Variants in PCDHGB1 observed in about 807,000 individuals in gnomAD.
The protein encoded by PCDHGB1 is protocadherin gamma subfamily B, 1, also known as protocadherin gamma-B1.
A neutral mutation model predicts 56.6 loss-of-function variants in PCDHGB1; 34 were observed. The observed-to-expected ratio is 0.60, with a 90% CI of 0.46 to 0.80. PCDHGB1 has a LOEUF of 0.80. Ranked by LOEUF, PCDHGB1 falls within the 30% of genes least tolerant of loss-of-function variation. The pLI is 0.00. For missense variants in PCDHGB1, 1,278 were observed against 1,204.6 expected (o/e 1.06, Z -0.90); for synonymous variants, 561 against 505.9 (o/e 1.11, Z -1.46).
At chr5:141,424,776 A>C (rs1406581367) in intron 1 of PCDHGB1, 2 of 152,154 alleles carry the variant, frequency 1.3e-5, no homozygotes, top group African/African-American at 4.8e-5. Context: ...CAAATAGTAC[A>C]TTCAGTTCTT....
Position 141,389,832 on chromosome 5 carries a change from C to T in PCDHGB1, c.2409+37163C>T, listed in dbSNP as rs758113562. ...GGTCGCCGTGCGTGACGGTGGACAG[C>T]CACCACTCTCGGCCACTGCCACGTT... On this transcript the variant is annotated intron_variant, in intron 1 of 3. Coordinates refer to ENST00000523390, the MANE Select transcript of PCDHGB1 (RefSeq NM_018922.3). The T allele has an allele frequency of 2.2e-5, 36 of 1,613,848 alleles. 1 individual carries two copies. The South Asian group carries it at 3.8e-4, about 17-fold the overall frequency.
At chr5:141,373,739 A>G (rs1561560112) in intron 1 of PCDHGB1, among the ~76,000 whole-genome samples, 1 of 152,238 alleles carries the variant, frequency 6.6e-6, no homozygotes, top group Non-Finnish European at 1.5e-5. Context: ...ATGCTTCATT[A>G]TCTTGGGGAG....
rs1386904017 is a variant in PCDHGB1 at position 141,476,642 on chromosome 5, CG to C, written c.2410-18164del. On this transcript the variant is annotated intron_variant, in intron 1 of 3. Coordinates refer to ENST00000523390, the MANE Select transcript of PCDHGB1 (RefSeq NM_018922.3). The surrounding 1 kb of genome is among the most constrained non-coding windows in gnomAD (Gnocchi z 7.6). ...CTCTTTACAAACCTATGAGCTGAGC[CG>C]AAATGAATACTTTGCGCTTCGCGTG... The C allele has an allele frequency of 2.5e-6, 4 of 1,614,240 alleles. No homozygotes were observed.
At chr5:141,400,097 A>C (rs753507768) in intron 1 of PCDHGB1, 1 of 1,614,048 alleles carries the variant, frequency 6.2e-7, no homozygotes, top group South Asian at 1.1e-5. Context: ...GCCACGCTGC[A>C]CTTGGTCTTT....
intron 1 of PCDHGB1, chr5:141,389,566 T>G: frequency 6.2e-7 from 1 of 1,613,278 alleles, no homozygotes; most frequent in Non-Finnish European, 8.5e-7. Context: ...CCACGGGTGC[T>G]GTACCCCGCG....
chr5:141,355,781 T>C, intron 1 of PCDHGB1: 2 of 1,613,802 alleles, frequency 1.2e-6, no homozygotes, highest in Non-Finnish European at 1.7e-6. Context: ...TACCCAGAGC[T>C]GGTGCTGGAA....
At chr5:141,483,637 G>A (rs1365525499) in intron 1 of PCDHGB1, among the ~76,000 whole-genome samples, 1 of 145,878 alleles carries the variant, frequency 6.9e-6, no homozygotes, top group South Asian at 2.1e-4. Flanking sequence ...AAGGTATAGA[G>A]GGGTGTGTGT....
At chr5:141,433,406 T>C (rs2097604777) in intron 1 of PCDHGB1, among the ~76,000 whole-genome samples, 1 of 149,982 alleles carries the variant, frequency 6.7e-6, no homozygotes, top group Non-Finnish European at 1.5e-5. Flanking sequence ...TATCTATCTA[T>C]TACTTTCTTG....
intron 1 of PCDHGB1, among the ~76,000 whole-genome samples, chr5:141,461,958 G>C (rs1048690044): frequency 4.5e-4 from 69 of 152,272 alleles, no homozygotes; most frequent in Non-Finnish European, 2.9e-4. Context: ...TGAGTAGCTG[G>C]GATTCCAGGC....
intron 1 of PCDHGB1, chr5:141,384,793 C>T (rs1780512284): frequency 1.9e-6 from 3 of 1,613,400 alleles, no homozygotes; most frequent in Non-Finnish European, 2.5e-6. Flanking sequence ...GGCTCGGGCC[C>T]TGCTGGACAG....
intron 1 of PCDHGB1, chr5:141,394,556 C>T (rs752795340): frequency 1.9e-6 from 3 of 1,614,112 alleles, no homozygotes; most frequent in Admixed American, 3.3e-5. Context: ...CGCCCCGCTC[C>T]GCAGAGCGTG....
chr5:141,473,763 GGATTTGGT>G (rs1358359618), intron 1 of PCDHGB1, among the ~76,000 whole-genome samples: 73 of 152,322 alleles, frequency 4.8e-4, no homozygotes, highest in African/African-American at 1.7e-3. Context: ...ACTATGCAAA[GGATTTGGT>G]ATTTTAATTC....
chr5:141,356,845 A>G (rs1760361286), intron 1 of PCDHGB1: 15 of 1,614,178 alleles, frequency 9.3e-6, no homozygotes, highest in Non-Finnish European at 1.2e-5. Context: ...TGTGTCACTG[A>G]GCCTCTTTGT....
Position 141,360,331 on chromosome 5 carries a change from C to G in PCDHGB1, c.2409+7662C>G, listed in dbSNP as rs146919505. The G allele has an allele frequency of 1.3e-3, 2,115 of 1,613,952 alleles. 5 individuals are homozygous for G. Among genetic ancestry groups the G allele is most frequent in the Non-Finnish European group, 1.7e-3 (1,954 of 1,179,884 alleles). On this transcript the variant is annotated intron_variant, in intron 1 of 3. Transcript: ENST00000523390. The stretch of plus-strand genomic sequence containing the variant: ...CGTCCGGGACTTGCCAGCCCGGAAG[C>G]TGCGGGTTAGCGCGGAGAAGGAATA...
At chr5:141,408,301 C>G in intron 1 of PCDHGB1, 1 of 1,613,756 alleles carries the variant, frequency 6.2e-7, no homozygotes, top group Non-Finnish European at 8.5e-7. Context: ...GTGAGCCGAT[C>G]CGCTACTCGA....
chr5:141,384,510 C>T (rs1038523588), intron 1 of PCDHGB1: 16 of 1,614,028 alleles, frequency 9.9e-6, no homozygotes, highest in African/African-American at 2.7e-5. Flanking sequence ...CACATGACAG[C>T]GGGGACCCGC....
chr5:141,462,354 C>T (rs1157515386), intron 1 of PCDHGB1, among the ~76,000 whole-genome samples: 1 of 152,162 alleles, frequency 6.6e-6, no homozygotes, highest in Non-Finnish European at 1.5e-5. Flanking sequence ...CAAAAATATA[C>T]ATTGTATAGT....
chr5:141,490,405 ATC>A lies in PCDHGB1; in HGVS notation c.2410-4397_2410-4396del, dbSNP rs765446736. 1 of 1,614,142 alleles carries A rather than the reference ATC, an allele frequency of 6.2e-7. No individual in the cohort carries two copies. The highest frequency in any genetic ancestry group is 8.5e-7 in the Non-Finnish European group (1 of 1,180,028). ...TAGAAATGGTGAAGTGAGCCTTGATATCTCTCCGGACCTGCCATTTCAGATTA... is the reference window on the plus strand; with the variant it reads ...TAGAAATGGTGAAGTGAGCCTTGATATCTCCGGACCTGCCATTTCAGATTA... On this transcript the variant is annotated intron_variant, in intron 1 of 3. Transcript: ENST00000523390. The surrounding 1 kb of genome is among the most constrained non-coding windows in gnomAD (Gnocchi z 5.4).
At chr5:141,363,452 C>G (rs1031596870) in intron 1 of PCDHGB1, among the ~76,000 whole-genome samples, 2 of 152,196 alleles carry the variant, frequency 1.3e-5, no homozygotes, top group Non-Finnish European at 2.9e-5. Context: ...CAGTACTTCT[C>G]GACAAGTATC....
Sources: gnomAD v4.1 joint callset for allele counts (sites outside exome capture counted in the v4.1 genomes callset) on GRCh38, gnomAD v4.1.1 for gene constraint, Gnocchi (gnomAD v3.1) non-coding constraint, MANE v1.5 for transcripts, NCBI Gene and HGNC (gene_info 2026-07-23, HGNC 2026-07-21) for gene names.